The following INPP4B variants were observed in gnomAD, a reference collection of about 807,000 sequenced individuals.
INPP4B encodes inositol polyphosphate 4-phosphatase type II.
Under a neutral mutation model 122.5 loss-of-function variants are expected in INPP4B, and 55 were observed. The ratio of observed to expected loss-of-function variants is 0.45; its 90% confidence interval spans 0.36 to 0.56. The LOEUF is 0.56. Among genes scored for constraint, INPP4B ranks in the 20% least tolerant of loss-of-function variants. The pLI is 0.00. For missense variants in INPP4B, 1,000 were observed against 1,097.7 expected (o/e 0.91, Z 1.26); for synonymous variants, 403 against 388.7 (o/e 1.04, Z -0.43).
intron 14 of INPP4B, among the ~76,000 whole-genome samples, chr4:142,195,814 AT>A (rs1837952629): frequency 6.6e-6 from 1 of 152,200 alleles, no homozygotes; most frequent in African/African-American, 2.4e-5. Flanking sequence ...TTGCAAAAAC[AT>A]TTGACCACAA....
chr4:142,615,121 ATT>A (rs1320960041), intron 2 of INPP4B, among the ~76,000 whole-genome samples: 3 of 152,082 alleles, frequency 2.0e-5, no homozygotes, highest in African/African-American at 7.2e-5. Flanking sequence ...TTCATTTTTT[ATT>A]TGTTTATTTA....
intron 1 of INPP4B, among the ~76,000 whole-genome samples, chr4:142,837,895 A>G (rs1341954326): frequency 6.6e-6 from 1 of 152,180 alleles, no homozygotes; most frequent in East Asian, 1.9e-4. Flanking sequence ...AATATCCATC[A>G]CAGTGTGATA....
At chr4:142,339,996 T>C (rs1282996275) in intron 7 of INPP4B, among the ~76,000 whole-genome samples, 1 of 152,170 alleles carries the variant, frequency 6.6e-6, no homozygotes, top group East Asian at 1.9e-4. Flanking sequence ...AGAAAGATTT[T>C]TTTTTATTTC....
intron 2 of INPP4B, among the ~76,000 whole-genome samples, chr4:142,614,537 T>C (rs1320804015): frequency 1.3e-5 from 2 of 151,982 alleles, no homozygotes; most frequent in Non-Finnish European, 2.9e-5. Context: ...AACAAAAATA[T>C]AGAAGTAGGA....
intron 2 of INPP4B, among the ~76,000 whole-genome samples, chr4:142,523,215 A>G (rs1826333477): frequency 6.6e-6 from 1 of 152,248 alleles, no homozygotes; most frequent in East Asian, 1.9e-4. Flanking sequence ...CAGACCTACT[A>G]AATCAGAAAC....
intron 15 of INPP4B, among the ~76,000 whole-genome samples, chr4:142,177,140 G>A (rs958676948): frequency 3.3e-5 from 5 of 152,086 alleles, no homozygotes; most frequent in Non-Finnish European, 4.4e-5. Flanking sequence ...AGCAGGCATC[G>A]GTTGTTCTGA....
At chr4:142,778,607 A>T (rs1774299445) in intron 1 of INPP4B, among the ~76,000 whole-genome samples, 1 of 152,080 alleles carries the variant, frequency 6.6e-6, no homozygotes, top group South Asian at 2.1e-4. Context: ...CATCAGTATC[A>T]GTGACTTACC....
chr4:142,122,067 G>A (rs1020456102), intron 21 of INPP4B, 61 bp downstream of exon 21: 2 of 1,012,760 alleles, frequency 2.0e-6, no homozygotes, highest in Non-Finnish European at 3.0e-6. Flanking sequence ...TGCCTCCTCT[G>A]ACAGGAGTTA....
intron 2 of INPP4B, among the ~76,000 whole-genome samples, chr4:142,673,149 T>TA (rs1455211705): frequency 6.6e-6 from 1 of 152,170 alleles, no homozygotes; most frequent in Non-Finnish European, 1.5e-5. Context: ...TACAAAGTCT[T>TA]AAAATCACAC....
At chr4:142,185,693 C>T (rs796464761) in intron 15 of INPP4B, among the ~76,000 whole-genome samples, 10 of 151,684 alleles carry the variant, frequency 6.6e-5, no homozygotes, top group African/African-American at 2.4e-4. Context: ...TCCTGGCTAA[C>T]ACGGTGAAAC....
chr4:142,639,023 T>A (rs1458115029), intron 2 of INPP4B, among the ~76,000 whole-genome samples: 2 of 152,198 alleles, frequency 1.3e-5, no homozygotes, highest in Non-Finnish European at 2.9e-5. Context: ...TGTTTTGGCA[T>A]CTAATGACAT....
intron 7 of INPP4B, among the ~76,000 whole-genome samples, chr4:142,333,470 G>C (rs1005106263): frequency 2.0e-5 from 3 of 152,024 alleles, no homozygotes; most frequent in African/African-American, 7.3e-5. Flanking sequence ...ATTCTGTTTT[G>C]CAGAAATTAA....
intron 1 of INPP4B, among the ~76,000 whole-genome samples, chr4:142,751,477 T>C (rs2150950241): frequency 7.2e-6 from 1 of 139,784 alleles, no homozygotes; most frequent in South Asian, 2.5e-4. Context: ...TCCTAACACA[T>C]ACTTTGTTTC....
chr4:142,300,646 T>C (rs886779151), intron 9 of INPP4B, among the ~76,000 whole-genome samples: 3 of 152,122 alleles, frequency 2.0e-5, no homozygotes, highest in Admixed American at 6.6e-5. Flanking sequence ...CATGTACATA[T>C]GCATGCATAG....
At chr4:142,378,614 GA>G (rs2148818651) in intron 7 of INPP4B, among the ~76,000 whole-genome samples, 1 of 152,226 alleles carries the variant, frequency 6.6e-6, no homozygotes, top group Non-Finnish European at 1.5e-5. Flanking sequence ...TAATTGAAAA[GA>G]TTCTCTCCTT....
intron 1 of INPP4B, among the ~76,000 whole-genome samples, chr4:142,800,210 C>T (rs183843274): frequency 6.6e-6 from 1 of 152,184 alleles, no homozygotes; most frequent in East Asian, 1.9e-4. Context: ...GTTGAATGTA[C>T]GTACAGCAAC....
chr4:142,627,731 C>T (rs1480296710), intron 2 of INPP4B, among the ~76,000 whole-genome samples: 1 of 151,910 alleles, frequency 6.6e-6, no homozygotes, highest in East Asian at 1.9e-4. Context: ...GGTTGTGTCT[C>T]TGCCCAGCTT....
intron 3 of INPP4B, among the ~76,000 whole-genome samples, chr4:142,439,565 C>T (rs564428307): frequency 6.6e-6 from 1 of 152,258 alleles, no homozygotes; most frequent in East Asian, 1.9e-4. Flanking sequence ...TTTATTTGGG[C>T]TGATTCTTGA....
chr4:142,188,512 A>ATAT (rs1188321189), intron 15 of INPP4B, among the ~76,000 whole-genome samples: 1,671 of 32,234 alleles, frequency 0.052, 118 homozygotes, highest in African/African-American at 0.11. Flanking sequence ...AAAAAAAAAG[A>ATAT]AAAAAAATAT....
Sources: gnomAD v4.1 joint callset for allele counts (sites outside exome capture counted in the v4.1 genomes callset) on GRCh38, gnomAD v4.1.1 for gene constraint, MANE v1.5 for transcripts, NCBI Gene and HGNC (gene_info 2026-07-23, HGNC 2026-07-21) for gene names.